Variants in KCNIP4 observed in about 807,000 individuals in gnomAD.
KCNIP4 encodes potassium voltage-gated channel interacting protein 4.
KCNIP4 carries 12 observed loss-of-function variants against 34.0 expected under a neutral mutation model. The observed-to-expected ratio is 0.35, with a 90% CI of 0.23 to 0.57. The LOEUF is 0.57. Among genes scored for constraint, KCNIP4 ranks in the 20% least tolerant of loss-of-function variants. The pLI is 0.83. For missense variants in KCNIP4, 238 were observed against 311.7 expected, an observed-to-expected ratio of 0.76 and a Z score of 1.78; for synonymous variants, 124 against 102.2, an observed-to-expected ratio of 1.21 and a Z score of -1.29.
intron 1 of KCNIP4, among the ~76,000 whole-genome samples, chr4:21,467,078 ACACACACACACAC>A (rs1560434248): frequency 0.021 from 1,133 of 55,098 alleles, 11 homozygotes; most frequent in African/African-American, 0.094. Context: ...AAACAAACAC[ACACACACACACAC>A]ACACACACAC....
intron 1 of KCNIP4, among the ~76,000 whole-genome samples, chr4:21,041,959 A>ATACC (rs1416626317): frequency 6.6e-6 from 1 of 152,180 alleles, no homozygotes; most frequent in Non-Finnish European, 1.5e-5. Context: ...TAAAGACAAA[A>ATACC]TACCTAACTT....
intron 1 of KCNIP4, among the ~76,000 whole-genome samples, chr4:21,583,127 A>G (rs1741360490): frequency 6.6e-6 from 1 of 151,948 alleles, no homozygotes; most frequent in African/African-American, 2.4e-5. Context: ...AGTAAAACCA[A>G]AAGTGAATTT....
At position 20,738,639 on chromosome 4, in the gene KCNIP4, A is replaced by G. The variant is rs145573021; in HGVS notation, c.430-3904T>C. Among the ~76,000 whole-genome samples, 91 of 152,378 alleles carry G rather than the reference A, an allele frequency of 6.0e-4. No individual in the cohort carries two copies. The East Asian group carries it at 0.015, about 26-fold the overall frequency. ...TGGGGAATCCCCCCAAGATGGCTACATAGGAACAGCTCCAGTCTACAGCTC... is the reference window on the plus strand; with the variant it reads ...TGGGGAATCCCCCCAAGATGGCTACGTAGGAACAGCTCCAGTCTACAGCTC... On this transcript the variant is annotated intron_variant, in intron 5 of 8. Transcript: ENST00000382152.
chr4:20,818,281 A>C (rs1295307805), intron 3 of KCNIP4, among the ~76,000 whole-genome samples: 1 of 152,256 alleles, frequency 6.6e-6, no homozygotes, highest in African/African-American at 2.4e-5. Context: ...TAGCAATAGA[A>C]TAGCCAGAAG....
chr4:21,740,708 A>G (rs189825150), intron 1 of KCNIP4, among the ~76,000 whole-genome samples: 1 of 152,276 alleles, frequency 6.6e-6, no homozygotes. Context: ...TTTTAATTCC[A>G]CCATTTATCT....
chr4:21,738,071 G>A lies in KCNIP4; in HGVS notation c.61+210500C>T, dbSNP rs190598899. 8.8e-3 allele frequency among the ~76,000 whole-genome samples: 1,334 copies of A among 150,836 alleles called. 19 individuals are homozygous for A. Among genetic ancestry groups the A allele is most frequent in the South Asian group, 0.039 (184 of 4,764 alleles). On this transcript the variant is annotated intron_variant, in intron 1 of 8. Transcript: ENST00000382152. The stretch of plus-strand genomic sequence containing the variant: ...CTTGCCACTGCACTCCAGCCTGGGC[G>A]ACAGAGCGAGACTCCATCTCAAAAT...
intron 1 of KCNIP4, among the ~76,000 whole-genome samples, chr4:21,554,695 G>A (rs557217346): frequency 6.6e-4 from 101 of 151,974 alleles, no homozygotes; most frequent in Middle Eastern, 6.8e-3. Context: ...TTTGTGTCAC[G>A]TCCCCCAGAT....
chr4:21,604,639 A>T (rs2109129047), intron 1 of KCNIP4, among the ~76,000 whole-genome samples: 1 of 152,330 alleles, frequency 6.6e-6, no homozygotes, highest in African/African-American at 2.4e-5. Flanking sequence ...ATTTCCATAC[A>T]GAGTTTCATA....
intron 1 of KCNIP4, among the ~76,000 whole-genome samples, chr4:20,897,475 G>A (rs1376000659): frequency 2.0e-5 from 3 of 152,120 alleles, no homozygotes; most frequent in African/African-American, 7.2e-5. Flanking sequence ...CCCATAGGTT[G>A]GCTAATGTTA....
chr4:21,351,850 C>G (rs1718033051), intron 1 of KCNIP4, among the ~76,000 whole-genome samples: 2 of 152,272 alleles, frequency 1.3e-5, no homozygotes, highest in Non-Finnish European at 2.9e-5. Flanking sequence ...GCCTCCAGAA[C>G]ATGGAGAAAA....
chr4:21,716,534 G>A (rs1714395952), intron 1 of KCNIP4, among the ~76,000 whole-genome samples: 1 of 151,966 alleles, frequency 6.6e-6, no homozygotes, highest in South Asian at 2.1e-4. Context: ...CTGCCACCGT[G>A]CTGGGCCGGT....
intron 1 of KCNIP4, among the ~76,000 whole-genome samples, chr4:21,590,539 G>A (rs573802635): frequency 7.2e-5 from 11 of 151,964 alleles, no homozygotes; most frequent in African/African-American, 2.7e-4. Flanking sequence ...AAGAAAGGAG[G>A]AAAGAAGAAA....
intron 2 of KCNIP4, among the ~76,000 whole-genome samples, chr4:20,867,275 T>C (rs1054309105): frequency 6.6e-6 from 1 of 151,634 alleles, no homozygotes; most frequent in African/African-American, 2.4e-5. Flanking sequence ...TTTTAAACTC[T>C]ACTATAAAGC....
rs534165754 is a variant in KCNIP4 at position 21,515,166 on chromosome 4, C to T, written c.61+433405G>A. ...TAACCATCGCTTCCCTAGAGATTTC[C>T]ATATGCCCCTCAACTAGGCTGGAGC... On this transcript the variant is annotated intron_variant, in intron 1 of 8. Transcript: ENST00000382152. Among the ~76,000 whole-genome samples, 32 of 152,254 alleles carry T rather than the reference C, an allele frequency of 2.1e-4. No individual in the cohort carries two copies. The East Asian group carries it at 5.8e-3, about 28-fold the overall frequency.
intron 1 of KCNIP4, among the ~76,000 whole-genome samples, chr4:20,954,402 A>C (rs1189409915): frequency 1.3e-5 from 2 of 152,200 alleles, no homozygotes; most frequent in East Asian, 1.9e-4. Flanking sequence ...GAATAATTGA[A>C]ATTTTAAAGT....
chr4:21,791,189 C>A (rs1047807173), intron 1 of KCNIP4, among the ~76,000 whole-genome samples: 2 of 152,026 alleles, frequency 1.3e-5, no homozygotes, highest in African/African-American at 4.8e-5. Flanking sequence ...CTCTTTGGGG[C>A]TGCAGCTGCT....
rs546236962 is a variant in KCNIP4, at chr4:21,094,077, G to A, written c.62-211368C>T. 9.3e-4 allele frequency among the ~76,000 whole-genome samples: 130 copies of A among 139,304 alleles called. 2 individuals carry two copies. In the South Asian group the frequency reaches 0.026, roughly 28 times the overall value. 91.4% of individuals were successfully genotyped at this position (139,304 alleles called of 152,430 possible). On this transcript the variant is annotated intron_variant, in intron 1 of 8. Coordinates refer to ENST00000382152, the MANE Select transcript of KCNIP4 (RefSeq NM_025221.6). ...AGCCTGGGCGACAGAGCAAGACTCC[G>A]TCTCAAAAAAAAAAGAAAAAAGCTT...
chr4:20,985,819 C>T (rs138737864), intron 1 of KCNIP4, among the ~76,000 whole-genome samples: 23 of 152,214 alleles, frequency 1.5e-4, no homozygotes, highest in South Asian at 1.0e-3. Context: ...TTTATAGAGG[C>T]GGTAACTGTC....
rs573903094 is a variant in KCNIP4 at position 21,146,141 on chromosome 4, G to A, written c.62-263432C>T. Among the ~76,000 whole-genome samples the A allele has an allele frequency of 5.3e-5, 8 of 152,328 alleles. No individual in the cohort carries two copies. The East Asian group carries it at 1.5e-3, about 29-fold the overall frequency. On this transcript the variant is annotated intron_variant, in intron 1 of 8. Coordinates refer to ENST00000382152, the MANE Select transcript of KCNIP4 (RefSeq NM_025221.6). ...CGGCCGGGCGCAGTGGCTCACGCCT[G>A]TAACCCCATCACTTTGGGAGGCTGA...
Sources: allele counts gnomAD v4.1 joint callset (sites outside exome capture counted in the v4.1 genomes callset), GRCh38; gene constraint gnomAD v4.1.1; transcripts MANE v1.5; gene names NCBI Gene and HGNC (gene_info 2026-07-23, HGNC 2026-07-21).